The following LRMDA variants were observed in gnomAD, a reference collection of about 807,000 sequenced individuals.
The protein encoded by LRMDA is leucine-rich melanocyte differentiation-associated protein.
Under a neutral mutation model 29.8 loss-of-function variants are expected in LRMDA, and 18 were observed. That is an observed-to-expected ratio of 0.60 (90% CI 0.42 to 0.90). The LOEUF (loss-of-function observed/expected upper bound fraction) is 0.90. Among genes scored for constraint, LRMDA ranks in the 40% least tolerant of loss-of-function variants. LRMDA has a pLI of 0.00. For missense variants in LRMDA, 273 were observed against 273.9 expected (o/e 1.00, Z 0.02); for synonymous variants, 125 against 109.4 (o/e 1.14, Z -0.89).
At chr10:75,464,728 C>G (rs966762874) in intron 2 of LRMDA, among the ~76,000 whole-genome samples, 7 of 152,184 alleles carry the variant, frequency 4.6e-5, no homozygotes, top group Middle Eastern at 3.4e-3. Context: ...TGGAATAGAC[C>G]CCCAGCAAAG....
At chr10:76,291,398 A>G (rs1204864944) in intron 5 of LRMDA, among the ~76,000 whole-genome samples, 1 of 152,218 alleles carries the variant, frequency 6.6e-6, no homozygotes, top group Non-Finnish European at 1.5e-5. Flanking sequence ...TAATGACTGA[A>G]ATGTTTTACA....
chr10:76,171,453 T>C (rs1850835078), intron 5 of LRMDA, among the ~76,000 whole-genome samples: 1 of 152,154 alleles, frequency 6.6e-6, no homozygotes, highest in African/African-American at 2.4e-5. Flanking sequence ...TTTGATACAT[T>C]CAGAAAGGAA....
intron 2 of LRMDA, among the ~76,000 whole-genome samples, chr10:75,532,852 T>G (rs1022202849): frequency 6.6e-6 from 1 of 152,148 alleles, no homozygotes; most frequent in Non-Finnish European, 1.5e-5. Flanking sequence ...TTGATCCTGA[T>G]GTATATTCAA....
chr10:75,878,522 G>T (rs1845239048), intron 2 of LRMDA, among the ~76,000 whole-genome samples: 1 of 152,102 alleles, frequency 6.6e-6, no homozygotes, highest in African/African-American at 2.4e-5. Context: ...GTCTGTTGGT[G>T]TGCTCTTCTG....
At chr10:75,932,683 C>T (rs1846226523) in intron 2 of LRMDA, among the ~76,000 whole-genome samples, 1 of 152,104 alleles carries the variant, frequency 6.6e-6, no homozygotes, top group East Asian at 1.9e-4. Flanking sequence ...AGCAACCAGC[C>T]TGAGTAAATT....
At chr10:76,462,497 T>C (rs1461879186) in intron 6 of LRMDA, among the ~76,000 whole-genome samples, 1 of 152,220 alleles carries the variant, frequency 6.6e-6, no homozygotes, top group African/African-American at 2.4e-5. Context: ...TTAACATTCT[T>C]CGATGCCCAA....
At chr10:76,433,640 T>C (rs1842214665) in intron 6 of LRMDA, 1 of 152,206 alleles carries the variant, frequency 6.6e-6, no homozygotes, top group Non-Finnish European at 1.5e-5. Flanking sequence ...AGGAACGCAC[T>C]GGGGAAACAG....
In LRMDA at chr10:76,559,992, A is replaced by T. The variant is rs1843603668; in HGVS notation, c.*2704A>T. The T allele has an allele frequency of 1.3e-5, 2 of 152,202 alleles. No individual in the cohort carries two copies. Among genetic ancestry groups the T allele is most frequent in the Admixed American group, 6.5e-5 (1 of 15,276 alleles). The allele number at this position is 152,202 out of a possible 1,614,324, so 9.4% of individuals were successfully genotyped here. ...TTGTGGGGAATCCTATTAAAAGTAC[A>T]ACTATTGCAGTCATTTGCTTTTACT... On this transcript the variant is annotated 3_prime_UTR_variant, in exon 7 of 7. Transcript: ENST00000611255.
At chr10:75,722,642 G>A (rs578155772) in intron 2 of LRMDA, among the ~76,000 whole-genome samples, 5 of 152,302 alleles carry the variant, frequency 3.3e-5, no homozygotes, top group East Asian at 1.9e-4. Flanking sequence ...ATGGTAGGGC[G>A]ATGTTTAGTA....
intron 2 of LRMDA, 130 bp from the exon 3 acceptor site, chr10:76,035,878 C>G: frequency 1.3e-6 from 1 of 751,206 alleles, no homozygotes; most frequent in Non-Finnish European, 1.9e-6. Context: ...TTGTCATTCA[C>G]TTTGCTGACA....
At chr10:75,923,373 T>A (rs1846058668) in intron 2 of LRMDA, among the ~76,000 whole-genome samples, 1 of 152,218 alleles carries the variant, frequency 6.6e-6, no homozygotes, top group Non-Finnish European at 1.5e-5. Flanking sequence ...TTCTGCTCAG[T>A]GCCGGTGATG....
chr10:76,364,283 A>G (rs1372404606), intron 6 of LRMDA, among the ~76,000 whole-genome samples: 1 of 152,152 alleles, frequency 6.6e-6, no homozygotes, highest in African/African-American at 2.4e-5. Flanking sequence ...AGCTTAAGTG[A>G]GATTTTTGAC....
intron 5 of LRMDA, among the ~76,000 whole-genome samples, chr10:76,275,989 A>T (rs1453644606): frequency 2.0e-5 from 3 of 151,884 alleles, no homozygotes; most frequent in Non-Finnish European, 4.4e-5. Context: ...TCATTCTGTT[A>T]TTGAGACAAT....
At chr10:75,704,931 A>G (rs1180161858) in intron 2 of LRMDA, among the ~76,000 whole-genome samples, 1 of 152,228 alleles carries the variant, frequency 6.6e-6, no homozygotes, top group Non-Finnish European at 1.5e-5. Context: ...AAGACCTTAA[A>G]TTCAAACTGC....
chr10:75,700,942 G>A (rs114297954), intron 2 of LRMDA, among the ~76,000 whole-genome samples: 1,856 of 152,310 alleles, frequency 0.012, 36 homozygotes, highest in African/African-American at 0.041. Context: ...GAAGAACTAT[G>A]CAAATCATCT....
intron 5 of LRMDA, among the ~76,000 whole-genome samples, chr10:76,259,521 T>C (rs73286993): frequency 0.03 from 4,584 of 152,208 alleles, 165 homozygotes; most frequent in African/African-American, 0.082. Flanking sequence ...CATCTGCTGA[T>C]AATAATGTGT....
intron 5 of LRMDA, among the ~76,000 whole-genome samples, chr10:76,134,979 C>G (rs1029065290): frequency 4.6e-5 from 7 of 152,078 alleles, no homozygotes; most frequent in Non-Finnish European, 1.0e-4. Context: ...ATTTCTGCGG[C>G]CTTTGAAAAT....
intron 2 of LRMDA, among the ~76,000 whole-genome samples, chr10:75,925,928 G>T (rs1846113384): frequency 6.6e-6 from 1 of 152,092 alleles, no homozygotes; most frequent in Non-Finnish European, 1.5e-5. Context: ...TACATACCAG[G>T]CAGTATTCAT....
intron 2 of LRMDA, among the ~76,000 whole-genome samples, chr10:75,619,608 T>C (rs1841154130): frequency 6.6e-6 from 1 of 152,160 alleles, no homozygotes; most frequent in Non-Finnish European, 1.5e-5. Flanking sequence ...CCAACCTGTA[T>C]TTCTAGCTCA....
Sources: gnomAD v4.1 joint callset for allele counts (sites outside exome capture counted in the v4.1 genomes callset) on GRCh38, gnomAD v4.1.1 for gene constraint, MANE v1.5 for transcripts, NCBI Gene and HGNC (gene_info 2026-07-23, HGNC 2026-07-21) for gene names.